SUGCT: variants seen among roughly 807,000 people sequenced by gnomAD.
SUGCT encodes the protein succinyl-CoA:glutarate CoA-transferase.
SUGCT carries 41 observed loss-of-function variants against 55.0 expected under a neutral mutation model. The ratio of observed to expected loss-of-function variants is 0.74; its 90% CI spans 0.58 to 0.97. The LOEUF (loss-of-function observed/expected upper bound fraction) is 0.97, where lower values mean the gene tolerates loss of function less well. SUGCT is among the 50% of genes least tolerant of loss of function. The pLI is 0.00. For synonymous variants in SUGCT, 187 were observed against 200.4 expected, an observed-to-expected ratio of 0.93 and a Z score of 0.56; for missense variants, 568 against 547.8, an observed-to-expected ratio of 1.04 and a Z score of -0.37.
At chr7:40,833,850 G>A (rs1792823127) in intron 13 of SUGCT, among the ~76,000 whole-genome samples, 1 of 152,164 alleles carries the variant, frequency 6.6e-6, no homozygotes, top group African/African-American at 2.4e-5. Flanking sequence ...ATTTGGTGAC[G>A]GACTGTGGTA....
chr7:40,832,402 A>G (rs957196703), intron 13 of SUGCT, among the ~76,000 whole-genome samples: 1 of 152,084 alleles, frequency 6.6e-6, no homozygotes, highest in Non-Finnish European at 1.5e-5. Flanking sequence ...GGTAGTATTA[A>G]TATTATACCA....
intron 12 of SUGCT, among the ~76,000 whole-genome samples, chr7:40,641,527 C>T (rs1027962555): frequency 2.0e-5 from 3 of 152,094 alleles, no homozygotes; most frequent in Non-Finnish European, 1.5e-5. Flanking sequence ...ATGGCTGGTT[C>T]TGTTACCCTA....
At chr7:40,566,639 A>G (rs1796170974) in intron 12 of SUGCT, among the ~76,000 whole-genome samples, 1 of 152,254 alleles carries the variant, frequency 6.6e-6, no homozygotes, top group Admixed American at 6.5e-5. Context: ...GTTAAAAAAC[A>G]TCATGCATAT....
chr7:41,016,142 G>T, the SUGCT span, among the ~76,000 whole-genome samples: 12 of 152,280 alleles, frequency 7.9e-5, no homozygotes, highest in South Asian at 2.5e-3. Flanking sequence ...CAAAGGCTTT[G>T]TAAGGGGGCA....
Position 40,664,105 on chromosome 7 carries a change from C to G in SUGCT, c.1090-85329C>G, listed in dbSNP as rs185501734. Among the ~76,000 whole-genome samples, 3 of 152,272 alleles carry G rather than the reference C, an allele frequency of 2.0e-5. No homozygotes were observed. In the East Asian group the frequency reaches 5.8e-4, roughly 29 times the overall value. On this transcript the variant is annotated intron_variant, in intron 12 of 13. Transcript: ENST00000335693. ...GAACAGATTCTTCTCTTAACGTCCT[C>G]AGAAGGAACCGATCCTGCCAACACC...
chr7:40,406,289 A>G (rs1483486764), intron 9 of SUGCT, among the ~76,000 whole-genome samples: 1 of 152,106 alleles, frequency 6.6e-6, no homozygotes, highest in East Asian at 1.9e-4. Flanking sequence ...TGGTAATATT[A>G]TATATAGGAG....
chr7:40,198,771 C>T lies in SUGCT; in HGVS notation c.484+3711C>T, dbSNP rs186530126. ...CAACACTTTGAGAGGCCAAGGCGGG[C>T]GGATCACCTGAGGTCAGGAGTTCAA... is the stretch of plus-strand genomic sequence containing the variant. On this transcript the variant is annotated intron_variant, in intron 6 of 13. Coordinates refer to ENST00000335693, the MANE Select transcript of SUGCT (RefSeq NM_001193313.2). 9.4e-4 allele frequency among the ~76,000 whole-genome samples: 142 copies of T among 150,868 alleles called. 1 individual carries two copies. The highest frequency in any genetic ancestry group is 3.2e-3 in the African/African-American group (131 of 40,710).
chr7:40,896,566 G>C, the SUGCT span, among the ~76,000 whole-genome samples: 58 of 152,082 alleles, frequency 3.8e-4, no homozygotes, highest in Non-Finnish European at 7.4e-5. Context: ...GAGATCTGAT[G>C]GTTTTATAAA....
chr7:40,904,566 T>G, the SUGCT span, among the ~76,000 whole-genome samples: 1 of 152,162 alleles, frequency 6.6e-6, no homozygotes, highest in Non-Finnish European at 1.5e-5. Flanking sequence ...GGGGAGTTGG[T>G]GTTTAACAGG....
chr7:41,031,946 A>G, the SUGCT span, among the ~76,000 whole-genome samples: 2 of 151,794 alleles, frequency 1.3e-5, no homozygotes, highest in African/African-American at 2.4e-5. Context: ...GCTTCACTCC[A>G]TCATGCTCAT....
intron 6 of SUGCT, among the ~76,000 whole-genome samples, chr7:40,199,425 A>G (rs1786468068): frequency 6.6e-6 from 1 of 152,192 alleles, no homozygotes; most frequent in South Asian, 2.1e-4. Flanking sequence ...GCTATTATTC[A>G]CTAGGAATTA....
intron 13 of SUGCT, among the ~76,000 whole-genome samples, chr7:40,858,403 C>CAAAAA (rs58628576): frequency 0.019 from 653 of 34,276 alleles, no homozygotes; most frequent in East Asian, 0.029. Context: ...AATTCCATCT[C>CAAAAA]AAAAAAAAAA....
At chr7:40,943,375 A>G in the SUGCT span, among the ~76,000 whole-genome samples, 2 of 148,264 alleles carry the variant, frequency 1.3e-5, no homozygotes, top group Non-Finnish European at 3.0e-5. Flanking sequence ...GGTGTGCCGC[A>G]CCCATTAACT....
intron 13 of SUGCT, among the ~76,000 whole-genome samples, chr7:40,845,177 A>G (rs1793494312): frequency 6.6e-6 from 1 of 152,212 alleles, no homozygotes; most frequent in African/African-American, 2.4e-5. Context: ...AGCAAAGATC[A>G]CAAGAGATAA....
chr7:40,537,682 T>C (rs1794441830), intron 12 of SUGCT, among the ~76,000 whole-genome samples: 1 of 152,188 alleles, frequency 6.6e-6, no homozygotes, highest in Non-Finnish European at 1.5e-5. Context: ...ACAGAGATCG[T>C]AAAGATTTTT....
At chr7:40,378,090 T>C (rs1351526251) in intron 9 of SUGCT, among the ~76,000 whole-genome samples, 4 of 144,748 alleles carry the variant, frequency 2.8e-5, no homozygotes, top group South Asian at 2.3e-4. Flanking sequence ...TTGGAGTTAA[T>C]TGAGCTTCTT....
At chr7:40,775,333 A>C (rs1405590696) in intron 13 of SUGCT, among the ~76,000 whole-genome samples, 1 of 152,138 alleles carries the variant, frequency 6.6e-6, no homozygotes, top group Non-Finnish European at 1.5e-5. Context: ...GCTCTCAACC[A>C]CTAGCTTATA....
intron 9 of SUGCT, among the ~76,000 whole-genome samples, chr7:40,360,673 G>A (rs1371826609): frequency 6.6e-6 from 1 of 152,186 alleles, no homozygotes; most frequent in Non-Finnish European, 1.5e-5. Context: ...TTGAAGGCAG[G>A]TGAGGCAGAG....
At chr7:41,024,175 T>C in the SUGCT span, among the ~76,000 whole-genome samples, 18 of 152,166 alleles carry the variant, frequency 1.2e-4, no homozygotes, top group Admixed American at 6.5e-4. Flanking sequence ...AATCCTACCT[T>C]ACACTATACA....
Sources: gnomAD v4.1 joint callset for allele counts (sites outside exome capture counted in the v4.1 genomes callset) on GRCh38, gnomAD v4.1.1 for gene constraint, MANE v1.5 for transcripts, NCBI Gene and HGNC (gene_info 2026-07-23, HGNC 2026-07-21) for gene names.